KMT2C: variants seen among roughly 807,000 people sequenced by gnomAD.
KMT2C encodes the protein histone-lysine N-methyltransferase 2C.
KMT2C carries 88 observed loss-of-function variants against 507.9 expected under a neutral mutation model. The ratio of observed to expected loss-of-function variants is 0.17; its 90% CI spans 0.15 to 0.21. The LOEUF (loss-of-function observed/expected upper bound fraction) is 0.21, where lower values mean the gene tolerates loss of function less well. KMT2C is among the 10% of genes least tolerant of loss of function. The pLI is 1.00. For missense variants in KMT2C, 4,954 were observed against 5,957.8 expected, an observed-to-expected ratio of 0.83 and a Z score of 5.55; for synonymous variants, 2,049 against 2,080.8, an observed-to-expected ratio of 0.98 and a Z score of 0.42.
intron 18 of KMT2C, among the ~76,000 whole-genome samples, chr7:152,226,202 G>C (rs2094924984): frequency 7.0e-6 from 1 of 142,572 alleles, no homozygotes; most frequent in African/African-American, 2.6e-5. Context: ...ACAAGAGTTG[G>C]TTGTTCATTA....
intron 48 of KMT2C, among the ~76,000 whole-genome samples, chr7:152,153,232 T>C (rs2091786036): frequency 6.6e-6 from 1 of 152,246 alleles, no homozygotes; most frequent in Non-Finnish European, 1.5e-5. Context: ...TTGTAACATC[T>C]GACAGACCCC....
chr7:152,147,862 T>C (rs771816787), intron 52 of KMT2C, among the ~76,000 whole-genome samples, 171 bp downstream of exon 52: 27 of 152,214 alleles, frequency 1.8e-4, no homozygotes, highest in Non-Finnish European at 3.4e-4. Context: ...GACAACTGTA[T>C]AGCAAAGAGA....
At position 152,330,609 on chromosome 7, in the gene KMT2C, G is replaced by A. The variant is rs753006032; in HGVS notation, c.381C>T (p.Ala127=). The A allele has an allele frequency of 6.2e-7, 1 of 1,613,910 alleles. No homozygotes were observed. The highest frequency in any genetic ancestry group is 1.1e-5 in the South Asian group (1 of 91,060). Residue 127 remains alanine (A), a synonymous_variant, in exon 3 of 59, where the codon GCC becomes GCT. Coordinates refer to ENST00000262189, the MANE Select transcript of KMT2C (RefSeq NM_170606.3). ...TGCATTCATTCTCTAACCTGATTTTGGCTTCTACACCAACAGAGACCAGGG... is the reference window on the plus strand; with the variant it reads ...TGCATTCATTCTCTAACCTGATTTTAGCTTCTACACCAACAGAGACCAGGG... The part of the protein sequence containing the change: ...ANSLVSVGVE[A]KISEQLCAFC...
rs557620224 is a variant in KMT2C at position 152,352,733 on chromosome 7, C to T, written c.250+5854G>A. 4.6e-5 allele frequency among the ~76,000 whole-genome samples: 7 copies of T among 152,290 alleles called. No individual in the cohort carries two copies. The East Asian group carries it at 7.7e-4, about 17-fold the overall frequency. On this transcript the variant is annotated intron_variant, in intron 2 of 58. Coordinates refer to ENST00000262189, the MANE Select transcript of KMT2C (RefSeq NM_170606.3). ...TTTTTGTCCCTAATACTATTCTCCA[C>T]TAAAAAACTAGAAGTCCTTAGAGAA...
chr7:152,193,933 G>T, intron 31 of KMT2C, 76 bp downstream of exon 31: 2 of 1,293,188 alleles, frequency 1.5e-6, no homozygotes, highest in Non-Finnish European at 2.0e-6. Context: ...GGCAAAACTT[G>T]CTTGTGTGTG....
intron 6 of KMT2C, among the ~76,000 whole-genome samples, chr7:152,299,814 T>TA (rs889829604): frequency 6.6e-6 from 1 of 151,936 alleles, no homozygotes; most frequent in African/African-American, 2.4e-5. Context: ...TATATGTTTT[T>TA]ATCAGAGAAA....
chr7:152,390,885 G>A (rs1021775515), intron 1 of KMT2C, among the ~76,000 whole-genome samples: 2 of 152,052 alleles, frequency 1.3e-5, no homozygotes, highest in African/African-American at 2.4e-5. Flanking sequence ...AACGGCTCAC[G>A]CCTGTAATCC....
intron 7 of KMT2C, among the ~76,000 whole-genome samples, chr7:152,268,003 G>A (rs904059837): frequency 2.0e-5 from 3 of 151,984 alleles, no homozygotes; most frequent in Non-Finnish European, 2.9e-5. Context: ...CTCATGGCTG[G>A]GCACAGACAC....
chr7:152,360,073 T>C (rs200294097), intron 1 of KMT2C, among the ~76,000 whole-genome samples: 2 of 14,746 alleles, frequency 1.4e-4, no homozygotes, highest in African/African-American at 3.4e-4. Context: ...AAAAGGGGGG[T>C]GGGGGGGGGG....
intron 23 of KMT2C, among the ~76,000 whole-genome samples, chr7:152,216,352 G>A (rs138927148): frequency 3.3e-5 from 5 of 152,218 alleles, no homozygotes; most frequent in African/African-American, 9.6e-5. Flanking sequence ...TTAAGGAAGC[G>A]GTTATTAGAA....
At chr7:152,316,623 T>C (rs181679075) in intron 3 of KMT2C, among the ~76,000 whole-genome samples, 1 of 152,326 alleles carries the variant, frequency 6.6e-6, no homozygotes, top group Admixed American at 6.5e-5. Context: ...TGATCTTACA[T>C]ATCTTGCATT....
chr7:152,319,286 G>A (rs1237785307), intron 3 of KMT2C, among the ~76,000 whole-genome samples: 4 of 152,026 alleles, frequency 2.6e-5, no homozygotes, highest in African/African-American at 9.7e-5. Context: ...TTAATCATTA[G>A]TTTGTAGCAA....
At chr7:152,151,092 T>G in intron 50 of KMT2C, 85 bp from the exon 51 acceptor site, 1 of 801,290 alleles carries the variant, frequency 1.2e-6, no homozygotes. Flanking sequence ...TTATGTTATA[T>G]TCAAAAGTGA....
intron 1 of KMT2C, chr7:152,366,669 G>A (rs1482156307): frequency 1.3e-5 from 2 of 155,378 alleles, no homozygotes; most frequent in African/African-American, 4.8e-5. Context: ...CTATGAAAAT[G>A]GATAGTGTCT....
chr7:152,345,786 G>T (rs2097052786), intron 2 of KMT2C, among the ~76,000 whole-genome samples: 1 of 152,118 alleles, frequency 6.6e-6, no homozygotes, highest in African/African-American at 2.4e-5. Flanking sequence ...CTCCTAAAGT[G>T]CTGTGATTCC....
chr7:152,319,511 G>A (rs548235754), intron 3 of KMT2C, among the ~76,000 whole-genome samples: 6 of 152,126 alleles, frequency 3.9e-5, no homozygotes, highest in Non-Finnish European at 7.4e-5. Flanking sequence ...GTGGTCTAGC[G>A]GTAGCGTCAG....
rs1235467493 is a variant in KMT2C, at chr7:152,182,410, C to A, written c.5450G>T (p.Gly1817Val). The change falls in exon 36 of 59, where the codon GGA (glycine) becomes GTA (valine). Residue 1817 changes from glycine to valine, a missense_variant. Gly to Val is a moderately radical substitution (Grantham distance 109). This residue lies in a region of KMT2C where 1,689 missense variants were observed against 1,654.3 expected (regional missense o/e 1.02). Coordinates refer to ENST00000262189, the MANE Select transcript of KMT2C (RefSeq NM_170606.3). ...GAATGACTGTGCAGGAGACATATTT[C>A]CATTGCCAGGCTGAGGTGTCAAGGG... Reference protein sequence around the residue: ...QSPLTPQPGNGNMSPAQSFHK... With the variant: ...QSPLTPQPGNVNMSPAQSFHK... The A allele has an allele frequency of 6.2e-7, 1 of 1,613,538 alleles. No homozygotes were observed. Among genetic ancestry groups the A allele is most frequent in the South Asian group, 1.1e-5 (1 of 90,996 alleles).
At chr7:152,364,615 A>AAAAAAAG (rs2097223187) in intron 1 of KMT2C, among the ~76,000 whole-genome samples, 2 of 151,692 alleles carry the variant, frequency 1.3e-5, no homozygotes, top group African/African-American at 4.9e-5. Flanking sequence ...TCTCCAAAAA[A>AAAAAAAG]AAAAAGAAAA....
chr7:152,165,684 T>G (rs59574306), intron 42 of KMT2C, among the ~76,000 whole-genome samples: 1,884 of 152,198 alleles, frequency 0.012, 37 homozygotes, highest in African/African-American at 0.043. Flanking sequence ...TTTGGGATTT[T>G]TTTTGTTTTG....
Sources: gnomAD v4.1 joint callset for allele counts (sites outside exome capture counted in the v4.1 genomes callset) on GRCh38, gnomAD v4.1.1 for gene constraint, gnomAD v4.1.1 regional missense constraint, MANE v1.5 for transcripts, NCBI Gene and HGNC (gene_info 2026-07-23, HGNC 2026-07-21) for gene names.